Variants in ZBTB38 observed in about 807,000 individuals in gnomAD.
The protein encoded by ZBTB38 is zinc finger and BTB domain containing 38, also known as zinc finger and BTB domain-containing protein 38.
In ZBTB38, 20 loss-of-function variants were observed where a neutral mutation model predicts 76.8. That is an observed-to-expected ratio of 0.26 (90% CI 0.18 to 0.38). ZBTB38 has a LOEUF of 0.38. Among genes scored for constraint, ZBTB38 ranks in the 10% least tolerant of loss-of-function variants. The pLI is 1.00. For missense variants in ZBTB38, 1,082 were observed against 1,482.3 expected, an observed-to-expected ratio of 0.73 and a Z score of 4.43; for synonymous variants, 504 against 544.2, an observed-to-expected ratio of 0.93 and a Z score of 1.03.
intron 1 of ZBTB38, among the ~76,000 whole-genome samples, chr3:141,326,422 T>TG (rs1942676975): frequency 6.6e-6 from 1 of 151,934 alleles, no homozygotes; most frequent in Admixed American, 6.6e-5. Context: ...GGGAGCAGGG[T>TG]GGGGGACAGG....
intron 1 of ZBTB38, among the ~76,000 whole-genome samples, chr3:141,343,491 C>G (rs1002552515): frequency 6.6e-6 from 1 of 152,112 alleles, no homozygotes; most frequent in Non-Finnish European, 1.5e-5. Context: ...TGGGATCAAA[C>G]AGGTAGAATG....
intron 5 of ZBTB38, among the ~76,000 whole-genome samples, chr3:141,410,499 T>A (rs1240906579): frequency 6.6e-6 from 1 of 152,210 alleles, no homozygotes; most frequent in African/African-American, 2.4e-5. Flanking sequence ...AGGCCCAGTC[T>A]GCCAGAAAAA....
intron 4 of ZBTB38, among the ~76,000 whole-genome samples, chr3:141,390,465 T>C (rs868575203): frequency 2.2e-4 from 34 of 152,194 alleles, no homozygotes; most frequent in African/African-American, 8.2e-4. Context: ...AATACCAAGA[T>C]TGCATCTCTT....
At chr3:141,363,314 T>C (rs1943871432) in intron 1 of ZBTB38, among the ~76,000 whole-genome samples, 1 of 152,228 alleles carries the variant, frequency 6.6e-6, no homozygotes, top group African/African-American at 2.4e-5. Flanking sequence ...TAATATGGGA[T>C]TACTCCCAAA....
At chr3:141,356,655 T>G (rs906769747) in intron 1 of ZBTB38, among the ~76,000 whole-genome samples, 2 of 151,374 alleles carry the variant, frequency 1.3e-5, no homozygotes, top group Non-Finnish European at 3.0e-5. Flanking sequence ...CTCCCTGCTC[T>G]CCTCATCGAG....
At position 141,447,812 on chromosome 3, in the gene ZBTB38, A is replaced by G. The variant is rs766201485; in HGVS notation, c.*1836A>G. 1 of 152,570 alleles carries G rather than the reference A, an allele frequency of 6.6e-6. No individual in the cohort carries two copies. The highest frequency in any genetic ancestry group is 6.5e-5 in the Admixed American group (1 of 15,288). 9.5% of individuals were successfully genotyped at this position (152,570 alleles called of 1,614,324 possible). ...GGACATGATTAAAGTTGACCTTTTA[A>G]TACTGTAGTACCTTGCTGTTAAGTA... On this transcript the variant is annotated 3_prime_UTR_variant, in exon 6 of 6. Transcript: ENST00000321464.
chr3:141,356,192 T>A (rs1160913933), intron 1 of ZBTB38, among the ~76,000 whole-genome samples: 1 of 152,074 alleles, frequency 6.6e-6, no homozygotes, highest in African/African-American at 2.4e-5. Context: ...GCATTAACTG[T>A]AGCAGATGCT....
chr3:141,363,415 A>G lies in ZBTB38; in HGVS notation c.-738-5206A>G, dbSNP rs574309521. 3.5e-4 allele frequency among the ~76,000 whole-genome samples: 54 copies of G among 152,332 alleles called. 1 individual carries two copies. The highest frequency in any genetic ancestry group is 2.8e-3 in the Admixed American group (43 of 15,304). ...AGCTGATCCTAAAAATCATATGGCA[A>G]TGCAAGGGATCCAGAATAGCCAAAC... On this transcript the variant is annotated intron_variant, in intron 1 of 7. Transcript: ENST00000509842.
intron 4 of ZBTB38, among the ~76,000 whole-genome samples, chr3:141,400,692 A>G (rs148781353): frequency 8.8e-4 from 134 of 152,374 alleles, no homozygotes; most frequent in Non-Finnish European, 1.4e-3. Context: ...ACAGCCTGCA[A>G]TCATAGCGTG....
chr3:141,411,007 T>A (rs928026236), intron 5 of ZBTB38, among the ~76,000 whole-genome samples: 14 of 152,168 alleles, frequency 9.2e-5, no homozygotes, highest in Admixed American at 9.2e-4. Flanking sequence ...GAGACAGATA[T>A]GAGCTGTCAC....
intron 2 of ZBTB38, among the ~76,000 whole-genome samples, chr3:141,380,700 A>G (rs1047808690): frequency 1.3e-5 from 2 of 152,196 alleles, no homozygotes; most frequent in Non-Finnish European, 2.9e-5. Context: ...CAATACAACC[A>G]AAATGCATTG....
At chr3:141,365,077 A>T (rs889207152), upstream of ZBTB38, among the ~76,000 whole-genome samples, 2 of 152,208 alleles carry the variant, frequency 1.3e-5, no homozygotes, top group African/African-American at 2.4e-5. Context: ...ACAAAAAAAA[A>T]ACTTGCACAT....
intron 5 of ZBTB38, among the ~76,000 whole-genome samples, chr3:141,416,358 G>A (rs1053991128): frequency 3.3e-5 from 5 of 152,206 alleles, no homozygotes; most frequent in South Asian, 2.1e-4. Context: ...TTTCCATTCC[G>A]TGGAGTACTC....
At chr3:141,331,924 G>A (rs117365757) in intron 1 of ZBTB38, among the ~76,000 whole-genome samples, 2,925 of 152,310 alleles carry the variant, frequency 0.019, 56 homozygotes, top group South Asian at 0.086. Flanking sequence ...ATGAGTCACT[G>A]TGCTTTCTGA....
At chr3:141,430,286 T>C (rs990208173) in intron 5 of ZBTB38, among the ~76,000 whole-genome samples, 5 of 152,038 alleles carry the variant, frequency 3.3e-5, no homozygotes, top group Non-Finnish European at 2.9e-5. Flanking sequence ...AGGGTGGCCT[T>C]GAACTCCTGA....
intron 5 of ZBTB38, among the ~76,000 whole-genome samples, chr3:141,411,085 T>G (rs991097476): frequency 5.3e-5 from 8 of 152,240 alleles, no homozygotes; most frequent in African/African-American, 1.9e-4. Context: ...CCTGTTCATG[T>G]GTTAGAACAA....
Position 141,442,332 on chromosome 3 carries a change from G to C in ZBTB38, c.1-57G>C. ...TTTCACAGAAGTGGAAAATAGTCTA[G>C]AGATAAAGAAGCCACCTGTGGAAGA... On this transcript the variant is annotated intron_variant, in intron 5 of 5. Transcript: ENST00000321464. This position sits in a 1 kb window ranked among gnomAD's most constrained non-coding sequence, Gnocchi z 6.4. The C allele has an allele frequency of 7.6e-7, 1 of 1,314,614 alleles. No individual in the cohort carries two copies. Among genetic ancestry groups the C allele is most frequent in the Non-Finnish European group, 1.1e-6 (1 of 943,360 alleles). The allele number at this position is 1,314,614 out of a possible 1,614,324, so 81.4% of individuals were successfully genotyped here.
intron 5 of ZBTB38, among the ~76,000 whole-genome samples, chr3:141,429,099 G>T (rs374803946): frequency 7.2e-5 from 11 of 152,144 alleles, no homozygotes; most frequent in African/African-American, 2.7e-4. Context: ...CTCTTATGGG[G>T]CTTACATTTT....
At chr3:141,424,121 A>C (rs2075951782) in intron 5 of ZBTB38, among the ~76,000 whole-genome samples, 1 of 152,268 alleles carries the variant, frequency 6.6e-6, no homozygotes, top group African/African-American at 2.4e-5. Flanking sequence ...CACATAATGG[A>C]AATTTATTGA....
Sources: allele counts gnomAD v4.1 joint callset (sites outside exome capture counted in the v4.1 genomes callset), GRCh38; gene constraint gnomAD v4.1.1; non-coding constraint Gnocchi (gnomAD v3.1); transcripts MANE v1.5; gene names NCBI Gene and HGNC (gene_info 2026-07-23, HGNC 2026-07-21).